Variants in LARGE1 observed in about 807,000 individuals in gnomAD.
The protein encoded by LARGE1 is xylosyl- and glucuronyltransferase LARGE1.
LARGE1 carries 43 observed loss-of-function variants against 87.6 expected under a neutral mutation model. That is an observed-to-expected ratio of 0.49 (90% CI 0.38 to 0.63). The LOEUF (loss-of-function observed/expected upper bound fraction) is 0.63. LARGE1 is among the 30% of genes least tolerant of loss of function. The pLI, the probability that LARGE1 is intolerant of heterozygous loss-of-function variation, is 0.00. For synonymous variants in LARGE1, 434 were observed against 394.6 expected, an observed-to-expected ratio of 1.10 and a Z score of -1.18; for missense variants, 802 against 1,000.2, an observed-to-expected ratio of 0.80 and a Z score of 2.67.
intron 2 of LARGE1, among the ~76,000 whole-genome samples, chr22:33,691,925 A>T (rs1347216132): frequency 6.6e-6 from 1 of 152,198 alleles, no homozygotes; most frequent in Non-Finnish European, 1.5e-5. Flanking sequence ...GAGGGTTTAC[A>T]GTATCTTGAA....
intron 2 of LARGE1, among the ~76,000 whole-genome samples, chr22:33,690,166 G>A (rs563526149): frequency 6.7e-4 from 102 of 152,202 alleles, no homozygotes; most frequent in Middle Eastern, 3.4e-3. Context: ...AAGGCAGAAA[G>A]GAAATGGAGA....
At chr22:33,883,716 G>A (rs544533948) in intron 1 of LARGE1, among the ~76,000 whole-genome samples, 3 of 152,144 alleles carry the variant, frequency 2.0e-5, no homozygotes, top group African/African-American at 4.8e-5. Flanking sequence ...CATGGGCCTC[G>A]GCTCTTTCCC....
chr22:33,369,073 C>T (rs953869250), intron 9 of LARGE1, among the ~76,000 whole-genome samples: 8 of 152,160 alleles, frequency 5.3e-5, no homozygotes, highest in African/African-American at 1.9e-4. Context: ...TGAAAAGTTT[C>T]TCTGTAGCAA....
At chr22:33,420,050 C>A (rs775277509) in intron 7 of LARGE1, among the ~76,000 whole-genome samples, 32 of 152,170 alleles carry the variant, frequency 2.1e-4, no homozygotes, top group Non-Finnish European at 4.0e-4. Context: ...TCCCTGGCCT[C>A]TACCCACTAA....
chr22:33,302,661 G>A (rs916425607), intron 12 of LARGE1, among the ~76,000 whole-genome samples: 3 of 152,138 alleles, frequency 2.0e-5, no homozygotes, highest in African/African-American at 7.2e-5. Flanking sequence ...ACAGAGAGAC[G>A]GAGTCAGAAG....
At chr22:33,167,375 A>G (rs901892147) in intron 11 of LARGE1, among the ~76,000 whole-genome samples, 1 of 152,252 alleles carries the variant, frequency 6.6e-6, no homozygotes, top group African/African-American at 2.4e-5. Flanking sequence ...AGTCACATGA[A>G]GTTGTGAATA....
chr22:33,775,231 C>G (rs993107131), intron 1 of LARGE1, among the ~76,000 whole-genome samples: 1 of 152,176 alleles, frequency 6.6e-6, no homozygotes, highest in Non-Finnish European at 1.5e-5. Context: ...GGGAATAACC[C>G]CAAGATTTCC....
chr22:33,863,111 C>T (rs1162624664), intron 1 of LARGE1, among the ~76,000 whole-genome samples: 6 of 152,124 alleles, frequency 3.9e-5, no homozygotes, highest in Non-Finnish European at 7.3e-5. Context: ...CACACAGCAC[C>T]GTGGCACACA....
intron 1 of LARGE1, among the ~76,000 whole-genome samples, chr22:33,853,040 G>A (rs1028916811): frequency 2.0e-5 from 3 of 152,004 alleles, no homozygotes; most frequent in African/African-American, 2.4e-5. Context: ...AAGTCTTGAT[G>A]GAAATGAAGG....
In LARGE1 at chr22:33,357,900, T is replaced by C. The variant is rs147199374; in HGVS notation, c.1132-20099A>G. On this transcript the variant is annotated intron_variant, in intron 9 of 14. Coordinates refer to ENST00000397394, the MANE Select transcript of LARGE1 (RefSeq NM_133642.5). ...CCTTTTAATCTTTCCATCTCTTCTA[T>C]AAAGTCATGAGGATGACTTTAGACT... is the stretch of plus-strand genomic sequence containing the variant. Among the ~76,000 whole-genome samples the C allele has an allele frequency of 5.6e-3, 848 of 152,348 alleles. 13 individuals carry two copies. The highest frequency in any genetic ancestry group is 0.019 in the African/African-American group (787 of 41,586).
chr22:33,359,560 CTTTT>C (rs539990533), intron 9 of LARGE1, among the ~76,000 whole-genome samples: 2 of 119,236 alleles, frequency 1.7e-5, no homozygotes. Flanking sequence ...GCAGACTCAT[CTTTT>C]TTTTTTTTTT....
chr22:33,886,240 G>A (rs1388219814), intron 1 of LARGE1, among the ~76,000 whole-genome samples: 1 of 152,096 alleles, frequency 6.6e-6, no homozygotes, highest in East Asian at 1.9e-4. Flanking sequence ...CCTACACTTG[G>A]GGACTCAGAC....
intron 1 of LARGE1, among the ~76,000 whole-genome samples, chr22:33,822,634 G>T (rs2086859946): frequency 6.6e-6 from 1 of 152,116 alleles, no homozygotes; most frequent in African/African-American, 2.4e-5. Flanking sequence ...GGAGGCGGAG[G>T]TTGCAGTGAG....
rs544137543 is a variant in LARGE1, at chr22:33,492,752, T to A, written c.788-60487A>T. Among the ~76,000 whole-genome samples the A allele has an allele frequency of 3.6e-3, 543 of 152,272 alleles. 6 individuals are homozygous for A. Among genetic ancestry groups the A allele is most frequent in the South Asian group, 0.025 (122 of 4,820 alleles). ...TGTGCACATTTTAAATTTTACCTCA[T>A]AATATGGTTGTGTGCTAACTGAAAA... On this transcript the variant is annotated intron_variant, in intron 6 of 14. Transcript: ENST00000397394.
rs948369310 is a variant in LARGE1 at position 33,558,704 on chromosome 22, T to C, written c.787+6144A>G. Among the ~76,000 whole-genome samples the C allele has an allele frequency of 1.2e-4, 18 of 152,192 alleles. No homozygotes were observed. The East Asian group carries it at 1.3e-3, about 11-fold the overall frequency. On this transcript the variant is annotated intron_variant, in intron 6 of 14. Transcript: ENST00000397394. The stretch of plus-strand genomic sequence containing the variant: ...AAAGAAAGACAAGACCTGAAGAAAC[T>C]TCAAAGAGCATTAAAAACTCCTTCG...
intron 7 of LARGE1, among the ~76,000 whole-genome samples, chr22:33,427,339 G>A (rs1055677356): frequency 5.9e-5 from 9 of 152,226 alleles, no homozygotes; most frequent in Non-Finnish European, 1.2e-4. Flanking sequence ...CGGTGGCTCA[G>A]TAGCTTCTGG....
chr22:33,237,802 C>T (rs1251308697), intron 11 of LARGE1, among the ~76,000 whole-genome samples: 1 of 152,168 alleles, frequency 6.6e-6, no homozygotes, highest in Non-Finnish European at 1.5e-5. Context: ...CCATCAAGAT[C>T]CGACTCCTGA....
At chr22:33,290,992 T>C (rs1232716579) in intron 12 of LARGE1, among the ~76,000 whole-genome samples, 1 of 151,706 alleles carries the variant, frequency 6.6e-6, no homozygotes, top group Non-Finnish European at 1.5e-5. Context: ...TGAGCTGAGA[T>C]TGCACCACTG....
chr22:33,382,755 A>G (rs2065199998), intron 8 of LARGE1, among the ~76,000 whole-genome samples: 2 of 152,272 alleles, frequency 1.3e-5, no homozygotes, highest in South Asian at 2.1e-4. Flanking sequence ...CTTACTGGAC[A>G]TGGGCATACA....
Sources: allele counts gnomAD v4.1 joint callset (sites outside exome capture counted in the v4.1 genomes callset), GRCh38; gene constraint gnomAD v4.1.1; transcripts MANE v1.5; gene names NCBI Gene and HGNC (gene_info 2026-07-23, HGNC 2026-07-21).